DOK6: variants seen among roughly 807,000 people sequenced by gnomAD.
The protein encoded by DOK6 is downstream of tyrosine kinase 6.
In DOK6, 22 loss-of-function variants were observed where a neutral mutation model predicts 44.0. The observed-to-expected ratio is 0.50, with a 90% CI of 0.36 to 0.71. The LOEUF is 0.71. Among genes scored for constraint, DOK6 ranks in the 30% least tolerant of loss-of-function variants. The probability of loss-of-function intolerance (pLI) is 0.00; values close to 1 mark genes in which losing one functional copy is unlikely to be tolerated. For synonymous variants in DOK6, 166 were observed against 145.5 expected (o/e 1.14, Z -1.01); for missense variants, 340 against 416.4 (o/e 0.82, Z 1.60).
intron 7 of DOK6, among the ~76,000 whole-genome samples, chr18:69,774,133 G>GATATATATATAT (rs111360276): frequency 0.065 from 4,328 of 66,806 alleles, 436 homozygotes; most frequent in Middle Eastern, 0.14. Context: ...ATATATATGA[G>GATATATATATAT]ATATATATAT....
At chr18:69,781,129 C>T (rs1980252433) in intron 7 of DOK6, among the ~76,000 whole-genome samples, 1 of 152,046 alleles carries the variant, frequency 6.6e-6, no homozygotes, top group Non-Finnish European at 1.5e-5. Context: ...TGCTTGTCTC[C>T]CTTTAAATTT....
intron 1 of DOK6, 120 bp downstream of exon 1, chr18:69,401,430 A>G: frequency 9.0e-7 from 1 of 1,108,750 alleles, no homozygotes; most frequent in Non-Finnish European, 1.2e-6. Flanking sequence ...CCCGGCCCTT[A>G]GGCGGATGGC....
rs147523110 is a variant in DOK6 at position 69,538,639 on chromosome 18, T to C, written c.67-25848T>C. On this transcript the variant is annotated intron_variant, in intron 1 of 7. Transcript: ENST00000382713. The stretch of plus-strand genomic sequence containing the variant: ...CTCAAGCAATCTGAGCATCTAGGCC[T>C]CCCAAAGTGCTACTATCACAGCTGT... Among the ~76,000 whole-genome samples, 685 of 140,948 alleles carry C rather than the reference T, an allele frequency of 4.9e-3. 1 individual carries two copies. The highest frequency in any genetic ancestry group is 0.01 in the Middle Eastern group (3 of 288). The allele number at this position is 140,948 out of a possible 152,430, so 92.5% of individuals were successfully genotyped here.
chr18:69,831,503 T>C (rs892907779), intron 7 of DOK6, among the ~76,000 whole-genome samples: 1 of 152,228 alleles, frequency 6.6e-6, no homozygotes, highest in African/African-American at 2.4e-5. Flanking sequence ...ATTTTTAAAA[T>C]ATGATTTCTA....
At chr18:69,768,518 C>T (rs555399168) in intron 7 of DOK6, among the ~76,000 whole-genome samples, 19 of 151,412 alleles carry the variant, frequency 1.3e-4, no homozygotes, top group African/African-American at 3.4e-4. Flanking sequence ...TTTTCTTAAT[C>T]TCATCTCTGT....
At chr18:69,659,512 G>A (rs529692100) in intron 3 of DOK6, among the ~76,000 whole-genome samples, 3 of 152,260 alleles carry the variant, frequency 2.0e-5, no homozygotes, top group East Asian at 1.9e-4. Flanking sequence ...CATTGCTCAC[G>A]TTTGCCAGCT....
intron 7 of DOK6, among the ~76,000 whole-genome samples, chr18:69,786,811 A>G (rs1361412282): frequency 1.3e-5 from 2 of 152,248 alleles, no homozygotes; most frequent in African/African-American, 2.4e-5. Flanking sequence ...ATTCATACAT[A>G]TGGGTACATT....
chr18:69,528,071 G>A (rs1981883190), intron 1 of DOK6, among the ~76,000 whole-genome samples: 1 of 150,652 alleles, frequency 6.6e-6, no homozygotes, highest in African/African-American at 2.4e-5. Context: ...GCTGAGGCAG[G>A]AGAATGGCTT....
intron 1 of DOK6, among the ~76,000 whole-genome samples, chr18:69,531,596 C>A (rs1981988090): frequency 6.6e-6 from 1 of 151,788 alleles, no homozygotes; most frequent in African/African-American, 2.4e-5. Context: ...ACATACAGAA[C>A]CTGTAGTTCA....
At position 69,690,785 on chromosome 18, in the gene DOK6, A is replaced by G. The variant is rs186573457; in HGVS notation, c.410-7619A>G. ...TTGAGGACTTACTCATCAACACTTA[A>G]TATTAGACTAATGTCTCTGGTCTTT... On this transcript the variant is annotated intron_variant, in intron 4 of 7. Coordinates refer to ENST00000382713, the MANE Select transcript of DOK6 (RefSeq NM_152721.6). 1.2e-3 allele frequency among the ~76,000 whole-genome samples: 179 copies of G among 152,310 alleles called. 1 individual carries two copies. Among genetic ancestry groups the G allele is most frequent in the Non-Finnish European group, 1.9e-3 (129 of 68,026 alleles).
chr18:69,573,549 T>A (rs182611575), intron 2 of DOK6, among the ~76,000 whole-genome samples: 146 of 152,100 alleles, frequency 9.6e-4, no homozygotes, highest in African/African-American at 3.4e-3. Context: ...TTTTCTGTGA[T>A]GGATGGTGAA....
chr18:69,610,122 T>A (rs1316458432), intron 3 of DOK6, among the ~76,000 whole-genome samples: 2 of 152,292 alleles, frequency 1.3e-5, no homozygotes, highest in Admixed American at 6.5e-5. Context: ...ATTGCCTTTT[T>A]AAAAATCTGT....
At chr18:69,726,750 T>C (rs1978310296) in intron 5 of DOK6, among the ~76,000 whole-genome samples, 1 of 151,910 alleles carries the variant, frequency 6.6e-6, no homozygotes, top group African/African-American at 2.4e-5. Context: ...ATTTGGTGTC[T>C]GATGGGAGCC....
intron 7 of DOK6, among the ~76,000 whole-genome samples, chr18:69,806,040 T>C (rs1373720923): frequency 6.6e-6 from 1 of 151,992 alleles, no homozygotes; most frequent in African/African-American, 2.4e-5. Flanking sequence ...TTTCTTGTTT[T>C]TTCTTCAAAG....
intron 7 of DOK6, among the ~76,000 whole-genome samples, chr18:69,762,958 C>T (rs1194320304): frequency 6.6e-6 from 1 of 152,136 alleles, no homozygotes; most frequent in East Asian, 1.9e-4. Context: ...AATCTGATTT[C>T]CTTGTTTTTT....
intron 1 of DOK6, among the ~76,000 whole-genome samples, chr18:69,553,226 G>A (rs996109597): frequency 4.6e-5 from 7 of 152,106 alleles, no homozygotes; most frequent in Non-Finnish European, 7.4e-5. Flanking sequence ...ATAAAACATC[G>A]ACTGGAGAAC....
chr18:69,467,930 T>C (rs1401009619), intron 1 of DOK6, among the ~76,000 whole-genome samples: 1 of 152,168 alleles, frequency 6.6e-6, no homozygotes, highest in Non-Finnish European at 1.5e-5. Context: ...TGAATTGTAT[T>C]GTAAATAATA....
intron 1 of DOK6, among the ~76,000 whole-genome samples, chr18:69,558,800 G>A (rs8093331): frequency 0.38 from 57,008 of 151,862 alleles, 11,879 homozygotes; most frequent in South Asian, 0.46. Context: ...AGAACAGGAC[G>A]AGAAAAATCT....
intron 4 of DOK6, among the ~76,000 whole-genome samples, chr18:69,685,355 G>A (rs368590453): frequency 2.6e-5 from 4 of 152,076 alleles, no homozygotes; most frequent in East Asian, 1.9e-4. Flanking sequence ...CATGCTATGG[G>A]GCCTTGGTCA....
Sources: allele counts gnomAD v4.1 joint callset (sites outside exome capture counted in the v4.1 genomes callset), GRCh38; gene constraint gnomAD v4.1.1; transcripts MANE v1.5; gene names NCBI Gene and HGNC (gene_info 2026-07-23, HGNC 2026-07-21).